The following CRACR2A variants were observed in gnomAD, a reference collection of about 807,000 sequenced individuals.
CRACR2A encodes the protein EF-hand calcium-binding domain-containing protein 4B.
A neutral mutation model predicts 90.5 loss-of-function variants in CRACR2A; 79 were observed. The observed-to-expected ratio is 0.87, with a 90% CI of 0.73 to 1.05. CRACR2A has a LOEUF of 1.05. Among genes scored for constraint, CRACR2A ranks in the 50% least tolerant of loss-of-function variants. CRACR2A has a pLI of 0.00. For synonymous variants in CRACR2A, 338 were observed against 356.7 expected (o/e 0.95, Z 0.59); for missense variants, 823 against 897.2 (o/e 0.92, Z 1.06).
intron 2 of CRACR2A, among the ~76,000 whole-genome samples, chr12:3,724,339 G>A: frequency 6.6e-6 from 1 of 152,216 alleles, no homozygotes; most frequent in Non-Finnish European, 1.5e-5. Context: ...GAGCCAGCCA[G>A]AGAAGTCAGC....
Position 3,659,576 on chromosome 12 carries a change from C to T in CRACR2A, c.750G>A (p.Gln250=). 6.2e-7 allele frequency: 1 copy of T among 1,614,160 alleles called. No homozygotes were observed. Among genetic ancestry groups the T allele is most frequent in the Non-Finnish European group, 8.5e-7 (1 of 1,179,976 alleles). Residue 250 remains glutamine, a synonymous_variant, in exon 8 of 20, where the codon CAG becomes CAA. Transcript: ENST00000440314. ...MEQQIKSEKE[Q]FLLKDTERFQ... The stretch of plus-strand genomic sequence containing the variant: ...AGCGTACACTTACCTTCAGGAGAAA[C>T]TGCTCCTTCTCACTTTTGATTTGTT...
chr12:3,702,012 T>C (rs556089039), intron 3 of CRACR2A, among the ~76,000 whole-genome samples: 41 of 152,318 alleles, frequency 2.7e-4, no homozygotes, highest in South Asian at 2.3e-3. Flanking sequence ...GGTTTAACAT[T>C]TGAAAATCAA....
intron 4 of CRACR2A, among the ~76,000 whole-genome samples, chr12:3,689,733 T>C (rs1274618796): frequency 2.0e-5 from 3 of 151,992 alleles, no homozygotes; most frequent in Non-Finnish European, 4.4e-5. Flanking sequence ...GAATCTCTCC[T>C]CCTCAATTTT....
At chr12:3,680,079 A>G (rs534109033) in intron 5 of CRACR2A, among the ~76,000 whole-genome samples, 159 bp downstream of exon 5, 10 of 152,304 alleles carry the variant, frequency 6.6e-5, no homozygotes, top group African/African-American at 2.4e-4. Context: ...AGGAGGCCCA[A>G]GCAATCTAGA....
At chr12:3,737,533 G>A (rs1248285623) in intron 1 of CRACR2A, among the ~76,000 whole-genome samples, 1 of 152,154 alleles carries the variant, frequency 6.6e-6, no homozygotes, top group Non-Finnish European at 1.5e-5. Flanking sequence ...GGAGGGATAT[G>A]GAGTGGATAC....
chr12:3,627,498 T>C lies in CRACR2A; in HGVS notation c.1870A>G (p.Met624Val). The C allele has an allele frequency of 6.4e-7, 1 of 1,551,902 alleles. No individual in the cohort carries two copies. The change falls in exon 17 of 20, where the codon ATG becomes GTG. Residue 624 changes from methionine to valine, a missense_variant. By Grantham distance (21) the Met-to-Val change is conservative. Transcript: ENST00000440314. ...GACTGCTTGTCTGTGAGATCGTACA[T>C]GACGATGACACCATCTGCCTTTCTG... ...FFRKADGVIVMYDLTDKQSFL... is the reference protein window; with the variant it reads ...FFRKADGVIVVYDLTDKQSFL...
intron 4 of CRACR2A, among the ~76,000 whole-genome samples, chr12:3,693,368 G>A (rs1053505569): frequency 3.3e-5 from 5 of 152,196 alleles, no homozygotes; most frequent in African/African-American, 1.2e-4. Context: ...GCAGACCAAG[G>A]GGTGCTCAGG....
chr12:3,630,789 T>G (rs1423235831), intron 15 of CRACR2A, among the ~76,000 whole-genome samples: 1 of 152,102 alleles, frequency 6.6e-6, no homozygotes, highest in East Asian at 1.9e-4. Context: ...GGCTGGGCCC[T>G]AGGTGGGGCA....
chr12:3,707,421 T>C lies in CRACR2A; in HGVS notation c.-37+5816A>G, dbSNP rs555951162. ...CCTTGATAATGATTTGAGGTCTCTG[T>C]GAGATGGTTGCTGTTCACCCTAATT... On this transcript the variant is annotated intron_variant, in intron 3 of 19. Transcript: ENST00000440314. Among the ~76,000 whole-genome samples the C allele has an allele frequency of 3.3e-5, 5 of 152,348 alleles. No homozygotes were observed. In the East Asian group the frequency reaches 9.6e-4, roughly 29 times the overall value.
At chr12:3,715,691 T>TA (rs1946073222) in intron 2 of CRACR2A, among the ~76,000 whole-genome samples, 1 of 152,180 alleles carries the variant, frequency 6.6e-6, no homozygotes, top group Non-Finnish European at 1.5e-5. Context: ...AAAAAGTTCA[T>TA]AAAAATGGAA....
At chr12:3,652,919 A>G (rs1944819799) in intron 10 of CRACR2A, among the ~76,000 whole-genome samples, 1 of 152,198 alleles carries the variant, frequency 6.6e-6, no homozygotes, top group Non-Finnish European at 1.5e-5. Context: ...GCATCTTGGG[A>G]GAGTTACTTA....
chr12:3,741,657 A>G (rs1946526680), intron 1 of CRACR2A, among the ~76,000 whole-genome samples: 1 of 152,010 alleles, frequency 6.6e-6, no homozygotes, highest in Admixed American at 6.6e-5. Flanking sequence ...CTCACACCCA[A>G]TGCTGCTGCC....
chr12:3,706,659 G>A (rs1343705785), intron 3 of CRACR2A, among the ~76,000 whole-genome samples: 1 of 152,214 alleles, frequency 6.6e-6, no homozygotes, highest in Non-Finnish European at 1.5e-5. Flanking sequence ...GAAGTGCAGT[G>A]GCATGATCTC....
At chr12:3,618,171 A>AG (rs1867731329) in intron 18 of CRACR2A, among the ~76,000 whole-genome samples, 2 of 78,730 alleles carry the variant, frequency 2.5e-5, no homozygotes, top group Non-Finnish European at 5.4e-5. Context: ...TTTCACTAAC[A>AG]AAAAAAAAAA....
intron 12 of CRACR2A, among the ~76,000 whole-genome samples, chr12:3,643,886 T>C: frequency 2.3e-5 from 1 of 43,978 alleles, no homozygotes; most frequent in Non-Finnish European, 4.1e-5. Context: ...ATATTTATAT[T>C]AATATATAAT....
intron 2 of CRACR2A, among the ~76,000 whole-genome samples, chr12:3,714,466 G>A (rs866886186): frequency 1.3e-5 from 2 of 152,188 alleles, no homozygotes; most frequent in Non-Finnish European, 2.9e-5. Flanking sequence ...ACTCTCTGGT[G>A]TTTTCCCAGG....
intron 4 of CRACR2A, among the ~76,000 whole-genome samples, chr12:3,683,408 T>C (rs1945491968): frequency 1.3e-5 from 2 of 152,118 alleles, no homozygotes; most frequent in African/African-American, 4.8e-5. Context: ...TTCACACACC[T>C]GGAAGGGTGG....
chr12:3,716,669 C>T (rs1315873134), intron 2 of CRACR2A, among the ~76,000 whole-genome samples: 1 of 152,176 alleles, frequency 6.6e-6, no homozygotes, highest in African/African-American at 2.4e-5. Context: ...TTTGTAAATG[C>T]TGATTTTTGG....
At chr12:3,675,501 T>G (rs570279574) in intron 6 of CRACR2A, among the ~76,000 whole-genome samples, 44 of 152,338 alleles carry the variant, frequency 2.9e-4, no homozygotes, top group Non-Finnish European at 5.6e-4. Context: ...CCATTGACAC[T>G]GTGTTCTATA....
Sources: gnomAD v4.1 joint callset for allele counts (sites outside exome capture counted in the v4.1 genomes callset) on GRCh38, gnomAD v4.1.1 for gene constraint, MANE v1.5 for transcripts, NCBI Gene and HGNC (gene_info 2026-07-23, HGNC 2026-07-21) for gene names.